The following SGCD variants were observed in gnomAD, a reference collection of about 807,000 sequenced individuals.
The protein encoded by SGCD is delta-sarcoglycan.
Under a neutral mutation model 36.6 loss-of-function variants are expected in SGCD, and 18 were observed. The observed-to-expected ratio is 0.49, with a 90% CI of 0.34 to 0.73. The LOEUF (loss-of-function observed/expected upper bound fraction) is 0.73, where lower values mean the gene tolerates loss of function less well. Ranked by LOEUF, SGCD falls within the 30% of genes least tolerant of loss-of-function variation. SGCD has a pLI of 0.01. For missense variants in SGCD, 387 were observed against 346.7 expected, an observed-to-expected ratio of 1.12 and a Z score of -0.92; for synonymous variants, 133 against 130.6, an observed-to-expected ratio of 1.02 and a Z score of -0.12.
chr5:156,757,900 T>C lies in SGCD; in HGVS notation c.699+196T>C, dbSNP rs1024854838. The C allele has an allele frequency of 3.6e-5, 48 of 1,323,780 alleles. No individual in the cohort carries two copies. The African/African-American group carries it at 6.0e-4, about 16-fold the overall frequency. The allele number at this position is 1,323,780 out of a possible 1,614,324, so 82.0% of individuals were successfully genotyped here. A position where few individuals can be genotyped will look rare whatever the true frequency, so the allele number is the denominator to read the frequency against. ...AATCCATCAAAGTGATGATTTCTTA[T>C]TTGTAAAATGCAGAGATAATGGCAT... On this transcript the variant is annotated intron_variant, in intron 8 of 8. Coordinates refer to ENST00000337851, the MANE Select transcript of SGCD (RefSeq NM_000337.6).
chr5:156,163,557 T>A (rs537317608), intron 3 of SGCD, among the ~76,000 whole-genome samples: 1 of 151,718 alleles, frequency 6.6e-6, no homozygotes, highest in South Asian at 2.1e-4. Flanking sequence ...TGGTGCTAGA[T>A]AATGGCTTCT....
intron 3 of SGCD, among the ~76,000 whole-genome samples, chr5:156,307,797 G>A (rs963996124): frequency 6.6e-6 from 1 of 151,662 alleles, no homozygotes; most frequent in African/African-American, 2.4e-5. Flanking sequence ...TGCTTTAACA[G>A]TTCTGCCCCC....
At chr5:155,982,914 A>G (rs539180549) in intron 1 of SGCD, among the ~76,000 whole-genome samples, 13 of 152,002 alleles carry the variant, frequency 8.6e-5, no homozygotes, top group African/African-American at 2.4e-4. Context: ...TTGTAGTTTC[A>G]TTTCTGCCTT....
chr5:155,962,175 G>A (rs1484829963), intron 1 of SGCD, among the ~76,000 whole-genome samples: 2 of 152,000 alleles, frequency 1.3e-5, no homozygotes, highest in Non-Finnish European at 2.9e-5. Flanking sequence ...ACCCAAATCT[G>A]TCTGATTAAG....
intron 1 of SGCD, among the ~76,000 whole-genome samples, chr5:155,918,075 T>C (rs1756793196): frequency 6.6e-6 from 1 of 152,212 alleles, no homozygotes; most frequent in South Asian, 2.1e-4. Flanking sequence ...AATATGACAA[T>C]GGCCCAATTT....
intron 3 of SGCD, among the ~76,000 whole-genome samples, chr5:156,438,063 C>G (rs1169000978): frequency 6.6e-6 from 1 of 152,100 alleles, no homozygotes; most frequent in Non-Finnish European, 1.5e-5. Flanking sequence ...TAAAATGGCA[C>G]CACACTCAAT....
the SGCD span, among the ~76,000 whole-genome samples, chr5:155,815,369 A>G: frequency 4.6e-5 from 7 of 152,234 alleles, no homozygotes; most frequent in African/African-American, 1.7e-4. Context: ...TTGGTCAGAC[A>G]ATGTATGAAG....
At chr5:156,028,038 T>C (rs1005474697) in intron 1 of SGCD, among the ~76,000 whole-genome samples, 3 of 152,178 alleles carry the variant, frequency 2.0e-5, no homozygotes, top group African/African-American at 7.2e-5. Flanking sequence ...CCACCTTACT[T>C]CCTAAAGCTC....
At chr5:156,555,777 G>C (rs1417227970) in intron 4 of SGCD, among the ~76,000 whole-genome samples, 5 of 151,574 alleles carry the variant, frequency 3.3e-5, no homozygotes, top group Non-Finnish European at 7.4e-5. Context: ...AGATCAGTGA[G>C]AGTATTTCCA....
At chr5:156,512,023 G>A (rs1756953133) in intron 4 of SGCD, among the ~76,000 whole-genome samples, 1 of 151,966 alleles carries the variant, frequency 6.6e-6, no homozygotes. Context: ...GTGCAACCCT[G>A]TCTCTACTAA....
intron 4 of SGCD, among the ~76,000 whole-genome samples, chr5:156,517,716 C>G (rs1183331807): frequency 6.6e-6 from 1 of 152,104 alleles, no homozygotes; most frequent in Non-Finnish European, 1.5e-5. Context: ...AATTTCCAAC[C>G]CTGAATTTTA....
At chr5:156,296,908 T>C (rs1005693651) in intron 3 of SGCD, among the ~76,000 whole-genome samples, 8 of 152,028 alleles carry the variant, frequency 5.3e-5, no homozygotes, top group Non-Finnish European at 2.9e-5. Flanking sequence ...ATGCACACTA[T>C]ATATGATATA....
At chr5:156,583,664 A>T (rs1760374725) in intron 4 of SGCD, among the ~76,000 whole-genome samples, 1 of 152,226 alleles carries the variant, frequency 6.6e-6, no homozygotes, top group African/African-American at 2.4e-5. Flanking sequence ...ATGGAGTATG[A>T]AGGCAAAATG....
At chr5:155,942,295 CATGTATGTATGTATGTATGT>C (rs561919666) in intron 1 of SGCD, among the ~76,000 whole-genome samples, 1 of 146,956 alleles carries the variant, frequency 6.8e-6, no homozygotes, top group Admixed American at 6.9e-5. Context: ...TGTATGTACG[CATGTATGTATGTATGTATGT>C]ATGTATGTAT....
chr5:156,627,690 A>G (rs1213408259), intron 6 of SGCD, among the ~76,000 whole-genome samples: 2 of 152,192 alleles, frequency 1.3e-5, no homozygotes, highest in East Asian at 3.9e-4. Context: ...TTCATATAGT[A>G]AGTTTGTTGG....
intron 3 of SGCD, among the ~76,000 whole-genome samples, chr5:156,352,717 T>G (rs1769317374): frequency 6.6e-6 from 1 of 152,176 alleles, no homozygotes; most frequent in Non-Finnish European, 1.5e-5. Flanking sequence ...CTTTATAAGG[T>G]TTTCACATGA....
the SGCD span, among the ~76,000 whole-genome samples, chr5:155,820,152 A>T: frequency 6.6e-6 from 1 of 152,140 alleles, no homozygotes; most frequent in South Asian, 2.1e-4. Context: ...TCCTTTATGC[A>T]TTTCTCAGCT....
At chr5:156,075,019 A>G (rs1388425898) in intron 1 of SGCD, among the ~76,000 whole-genome samples, 2 of 152,248 alleles carry the variant, frequency 1.3e-5, no homozygotes, top group Non-Finnish European at 2.9e-5. Context: ...GTCACTGCAT[A>G]TGCAGTTGCC....
At chr5:156,544,368 T>G (rs573704158) in intron 4 of SGCD, among the ~76,000 whole-genome samples, 4 of 152,214 alleles carry the variant, frequency 2.6e-5, no homozygotes, top group Admixed American at 6.5e-5. Flanking sequence ...ATTTGAGAAC[T>G]GCCAGATTGT....
Sources: gnomAD v4.1 joint callset for allele counts (sites outside exome capture counted in the v4.1 genomes callset) on GRCh38, gnomAD v4.1.1 for gene constraint, MANE v1.5 for transcripts, NCBI Gene and HGNC (gene_info 2026-07-23, HGNC 2026-07-21) for gene names.